TSNARE1: variants seen among roughly 807,000 people sequenced by gnomAD.
TSNARE1 encodes t-SNARE domain containing 1.
TSNARE1 carries 49 observed loss-of-function variants against 62.0 expected under a neutral mutation model. The observed-to-expected ratio is 0.79, with a 90% CI of 0.63 to 1.00. The LOEUF (loss-of-function observed/expected upper bound fraction) is 1.00, where lower values mean the gene tolerates loss of function less well. Ranked by LOEUF, TSNARE1 falls within the 50% of genes least tolerant of loss-of-function variation. The probability of loss-of-function intolerance (pLI) is 0.00; values close to 1 mark genes in which losing one functional copy is unlikely to be tolerated. For missense variants in TSNARE1, 755 were observed against 700.1 expected, an observed-to-expected ratio of 1.08 and a Z score of -0.88; for synonymous variants, 328 against 294.4, an observed-to-expected ratio of 1.11 and a Z score of -1.17.
chr8:142,341,884 C>A (rs1399532955), intron 4 of TSNARE1, among the ~76,000 whole-genome samples: 1 of 152,218 alleles, frequency 6.6e-6, no homozygotes, highest in Non-Finnish European at 1.5e-5. Flanking sequence ...CCACTCGAAC[C>A]CTGTGAGGAG....
In TSNARE1 at chr8:142,244,625, C is replaced by T. The variant is rs78329740; in HGVS notation, c.1447-15046G>A. 6.6e-4 allele frequency among the ~76,000 whole-genome samples: 100 copies of T among 152,286 alleles called. 1 individual carries two copies. The highest frequency in any genetic ancestry group is 2.2e-3 in the African/African-American group (92 of 41,564). On this transcript the variant is annotated intron_variant, in intron 12 of 13. Coordinates refer to ENST00000524325, the MANE Select transcript of TSNARE1 (RefSeq NM_145003.5). ...AACTTGACAAGGTGATTCTAAAATA[C>T]GTATGGAAGAGCGAGGGCCAACGTC...
In TSNARE1 at chr8:142,356,229, G is replaced by T. The variant is rs1834721703; in HGVS notation, c.-39-1466C>A. 2.0e-5 allele frequency among the ~76,000 whole-genome samples: 3 copies of T among 152,306 alleles called. No individual in the cohort carries two copies. The South Asian group carries it at 6.2e-4, about 32-fold the overall frequency. ...TGGCGCAGGCCTTGTTCTGCCCAGG[G>T]CGCACGAAAACACCCGGCCCCACGC... is the stretch of plus-strand genomic sequence containing the variant. On this transcript the variant is annotated intron_variant, in intron 1 of 13. Transcript: ENST00000524325.
intron 9 of TSNARE1, among the ~76,000 whole-genome samples, chr8:142,307,517 A>C (rs1449810052): frequency 6.6e-6 from 1 of 152,202 alleles, no homozygotes; most frequent in African/African-American, 2.4e-5. Context: ...CCTCCCATAT[A>C]TTTAAATCAC....
At chr8:142,320,064 G>C (rs1275148220) in intron 6 of TSNARE1, among the ~76,000 whole-genome samples, 2 of 152,008 alleles carry the variant, frequency 1.3e-5, no homozygotes, top group African/African-American at 4.8e-5. Context: ...GCTCCCACCA[G>C]TCCCCTCCTC....
rs554183099 is a variant in TSNARE1, at chr8:142,303,067, GC to G, written c.1132-2424del. Among the ~76,000 whole-genome samples, 327 of 152,320 alleles carry G rather than the reference GC, an allele frequency of 2.1e-3. 3 individuals carry two copies. The highest frequency in any genetic ancestry group is 0.018 in the South Asian group (86 of 4,826). ...ATCTGGGGACATGGGCTGCAGGGCA[GC>G]CTGGCTCACAGGACCTGCTCTGCCG... On this transcript the variant is annotated intron_variant, in intron 9 of 13. Transcript: ENST00000524325.
chr8:142,365,475 T>A (rs1835464680), intron 1 of TSNARE1, among the ~76,000 whole-genome samples: 1 of 152,234 alleles, frequency 6.6e-6, no homozygotes. Flanking sequence ...TGTATCCATG[T>A]CAATGTCCTG....
At chr8:142,218,966 G>A (rs1299915201) in intron 13 of TSNARE1, among the ~76,000 whole-genome samples, 1 of 152,216 alleles carries the variant, frequency 6.6e-6, no homozygotes, top group Non-Finnish European at 1.5e-5. Flanking sequence ...AAGGAGGCAG[G>A]AGTCTTGCCA....
At chr8:142,392,810 C>T (rs558262791) in intron 1 of TSNARE1, among the ~76,000 whole-genome samples, 3 of 152,216 alleles carry the variant, frequency 2.0e-5, no homozygotes, top group African/African-American at 7.2e-5. Flanking sequence ...CATGGTGACA[C>T]ATGCCTGTAA....
intron 12 of TSNARE1, among the ~76,000 whole-genome samples, chr8:142,255,103 G>A (rs1377230644): frequency 6.6e-6 from 1 of 152,000 alleles, no homozygotes; most frequent in East Asian, 1.9e-4. Flanking sequence ...CAGATACAGA[G>A]GCCCCCAGCG....
intron 13 of TSNARE1, among the ~76,000 whole-genome samples, chr8:142,228,494 C>T (rs779075364): frequency 4.6e-5 from 7 of 152,210 alleles, no homozygotes; most frequent in South Asian, 2.1e-4. Flanking sequence ...TCCTCACTGA[C>T]GCCTCATTCC....
At chr8:142,278,123 C>T (rs1820796596) in intron 11 of TSNARE1, 2 of 985,434 alleles carry the variant, frequency 2.0e-6, no homozygotes, top group South Asian at 4.7e-5. Flanking sequence ...TGACCAGGCC[C>T]ATCCCCCAAG....
intron 12 of TSNARE1, chr8:142,271,587 G>T: frequency 2.8e-6 from 4 of 1,427,244 alleles, no homozygotes; most frequent in Non-Finnish European, 3.7e-6. Flanking sequence ...GTGGGTGCGT[G>T]GAAGACTCCT....
intron 1 of TSNARE1, among the ~76,000 whole-genome samples, chr8:142,358,325 A>G (rs13276497): frequency 4.0e-5 from 6 of 149,872 alleles, no homozygotes; most frequent in African/African-American, 1.5e-4. Context: ...AGGGTCTGCT[A>G]GGTTTCAGGA....
At chr8:142,281,735 G>A (rs982022493) in intron 11 of TSNARE1, among the ~76,000 whole-genome samples, 3 of 152,040 alleles carry the variant, frequency 2.0e-5, no homozygotes, top group African/African-American at 7.2e-5. Flanking sequence ...CAACCAAGGC[G>A]GGTGGGGGCG....
Position 142,269,050 on chromosome 8 carries a change from A to C in TSNARE1, c.1446+5731T>G, listed in dbSNP as rs879589689. 2.9e-4 allele frequency among the ~76,000 whole-genome samples: 44 copies of C among 152,386 alleles called. 1 individual carries two copies. The highest frequency in any genetic ancestry group is 2.9e-3 in the Admixed American group (44 of 15,312). ...GTATACGTTTTCTGTAGCACACGCT[A>C]AGCTCTGGAAGAAGAGGCCTCAAGT... is the stretch of plus-strand genomic sequence containing the variant. On this transcript the variant is annotated intron_variant, in intron 12 of 13. Transcript: ENST00000524325.
At chr8:142,304,666 C>G (rs556361483) in intron 9 of TSNARE1, among the ~76,000 whole-genome samples, 2 of 152,354 alleles carry the variant, frequency 1.3e-5, no homozygotes, top group African/African-American at 4.8e-5. Flanking sequence ...ATGGAGCTGA[C>G]CTCAGCACGT....
intron 10 of TSNARE1, among the ~76,000 whole-genome samples, chr8:142,298,600 C>T (rs1050677521): frequency 5.3e-5 from 8 of 152,204 alleles, no homozygotes; most frequent in African/African-American, 1.7e-4. Context: ...TGCCCTCTAA[C>T]GGCCTCCTCA....
chr8:142,278,305 G>C (rs1471958260), intron 11 of TSNARE1: 3 of 985,456 alleles, frequency 3.0e-6, no homozygotes, highest in Non-Finnish European at 3.6e-6. Flanking sequence ...AGCAGCTGAG[G>C]ATGCCCCAGC....
intron 13 of TSNARE1, among the ~76,000 whole-genome samples, chr8:142,223,825 G>C (rs1816650943): frequency 6.6e-6 from 1 of 152,232 alleles, no homozygotes; most frequent in African/African-American, 2.4e-5. Flanking sequence ...GATAAGGAGA[G>C]AGGAGGTGCC....
Sources: gnomAD v4.1 joint callset for allele counts (sites outside exome capture counted in the v4.1 genomes callset) on GRCh38, gnomAD v4.1.1 for gene constraint, MANE v1.5 for transcripts, NCBI Gene and HGNC (gene_info 2026-07-23, HGNC 2026-07-21) for gene names.